SPINT3: variants seen among roughly 807,000 people sequenced by gnomAD.
SPINT3 encodes the protein kunitz-type protease inhibitor 3.
A neutral mutation model predicts 3.3 loss-of-function variants in SPINT3; 4 were observed. That is an observed-to-expected ratio of 1.22 (90% confidence interval 0.60 to 2.79). The LOEUF (loss-of-function observed/expected upper bound fraction) is 2.79, where lower values mean the gene tolerates loss of function less well. Ranked by LOEUF, SPINT3 falls within the 30% of genes most tolerant of loss-of-function variation. The pLI is 0.01. For missense variants in SPINT3, 97 were observed against 104.3 expected, an observed-to-expected ratio of 0.93 and a Z score of 0.31; for synonymous variants, 30 against 38.6, an observed-to-expected ratio of 0.78 and a Z score of 0.83.
At chr20:45,512,953 A>G (rs1978778975) in intron 1 of SPINT3, 109 bp from the exon 2 acceptor site, 1 of 790,876 alleles carries the variant, frequency 1.3e-6, no homozygotes, top group Non-Finnish European at 2.0e-6. Context: ...GCCATCCACA[A>G]TGGCTGTGCT....
chr20:45,513,360 T>C (rs1186143841), intron 1 of SPINT3, among the ~76,000 whole-genome samples: 1 of 152,236 alleles, frequency 6.6e-6, no homozygotes, highest in African/African-American at 2.4e-5. Context: ...GTCTCAATTA[T>C]CTTCTAGCTA....
rs948656977 is a variant in SPINT3, at chr20:45,512,548, A to G, written c.*103T>C. ...GGAGAATAAATGTGGGGGTAGAGGA[A>G]TGAACCTCTTGTTCACACACACACA... On this transcript the variant is annotated 3_prime_UTR_variant, in exon 2 of 2. Coordinates refer to ENST00000217428, the MANE Select transcript of SPINT3 (RefSeq NM_006652.2). 2 of 1,113,560 alleles carry G rather than the reference A, an allele frequency of 1.8e-6. No individual in the cohort carries two copies. The highest frequency in any genetic ancestry group is 2.7e-5 in the Admixed American group (1 of 37,336). The allele number at this position is 1,113,560 out of a possible 1,614,324, so 69.0% of individuals were successfully genotyped here.
chr20:45,515,472 C>G, intron 1 of SPINT3, 61 bp downstream of exon 1: 1 of 1,370,506 alleles, frequency 7.3e-7, no homozygotes, highest in Middle Eastern at 1.8e-4. Context: ...ACCTCCCCCA[C>G]CACCCCGCCC....
chr20:45,513,141 T>A (rs1412126378), intron 1 of SPINT3, among the ~76,000 whole-genome samples: 1 of 152,234 alleles, frequency 6.6e-6, no homozygotes, highest in Middle Eastern at 3.2e-3. Flanking sequence ...AACTTCTTCA[T>A]GTCTCCATTT....
chr20:45,513,909 T>C (rs879691696), intron 1 of SPINT3, among the ~76,000 whole-genome samples: 12 of 152,192 alleles, frequency 7.9e-5, no homozygotes, highest in Admixed American at 3.9e-4. Flanking sequence ...TCCATCTTGG[T>C]TGTTGTAAAA....
Position 45,512,520 on chromosome 20 carries a change from C to T in SPINT3, c.*131G>A. The T allele has an allele frequency of 1.2e-6, 1 of 853,336 alleles. No homozygotes were observed. Among genetic ancestry groups the T allele is most frequent in the South Asian group, 1.8e-5 (1 of 55,324 alleles). The allele number at this position is 853,336 out of a possible 1,614,324, so 52.9% of individuals were successfully genotyped here. A position where few individuals can be genotyped will look rare whatever the true frequency, so the allele number is the denominator to read the frequency against. On this transcript the variant is annotated 3_prime_UTR_variant, in exon 2 of 2. Transcript: ENST00000217428. ...AGATGAAGCACTTGTAGGAGCACAT[C>T]AGGGAGAATAAATGTGGGGGTAGAG... is the stretch of plus-strand genomic sequence containing the variant.
chr20:45,515,477 C>G (rs1978847105), intron 1 of SPINT3, 56 bp downstream of exon 1: 1 of 1,417,334 alleles, frequency 7.1e-7, no homozygotes, highest in Middle Eastern at 1.8e-4. Context: ...CCCCACCACC[C>G]CGCCCCCCAG....
chr20:45,514,444 A>T (rs1318242026), intron 1 of SPINT3, among the ~76,000 whole-genome samples: 1 of 152,188 alleles, frequency 6.6e-6, no homozygotes, highest in East Asian at 1.9e-4. Flanking sequence ...ATGCTCAGAG[A>T]GGCTATAAAT....
In SPINT3 at chr20:45,512,561, TCACA is replaced by T. The variant is rs11468934; in HGVS notation, c.*86_*89del. 4.1e-3 allele frequency: 4,472 copies of T among 1,101,892 alleles called. 5 individuals carry two copies. The highest frequency in any genetic ancestry group is 0.011 in the African/African-American group (670 of 62,528). The allele number at this position is 1,101,892 out of a possible 1,614,324, so 68.3% of individuals were successfully genotyped here. On this transcript the variant is annotated 3_prime_UTR_variant, in exon 2 of 2. Coordinates refer to ENST00000217428, the MANE Select transcript of SPINT3 (RefSeq NM_006652.2). Reference sequence around the variant, plus strand: ...GGGGGTAGAGGAATGAACCTCTTGTTCACACACACACACACACACACACGCAAAT... The same window carrying T: ...GGGGGTAGAGGAATGAACCTCTTGTTCACACACACACACACACACGCAAAT...
At chr20:45,514,108 C>T (rs1978811167) in intron 1 of SPINT3, among the ~76,000 whole-genome samples, 1 of 152,196 alleles carries the variant, frequency 6.6e-6, no homozygotes, top group Admixed American at 6.5e-5. Flanking sequence ...GTTCTTAAGA[C>T]ATCCTAGTCA....
intron 1 of SPINT3, among the ~76,000 whole-genome samples, chr20:45,513,902 A>G (rs1568980162): frequency 6.6e-6 from 1 of 152,212 alleles, no homozygotes; most frequent in African/African-American, 2.4e-5. Flanking sequence ...TTCTCCATCC[A>G]TCTTGGTTGT....
Position 45,515,523 on chromosome 20 carries a change from T to C in SPINT3, c.76+10A>G. Reference sequence around the variant, plus strand: ...AGTCTATTCTTTGAGATCCCACATTTCATACCAACCTCGTGCTAGTTCTGA... The same window carrying C: ...AGTCTATTCTTTGAGATCCCACATTCCATACCAACCTCGTGCTAGTTCTGA... On this transcript the variant is annotated intron_variant, in intron 1 of 1. Coordinates refer to ENST00000217428, the MANE Select transcript of SPINT3 (RefSeq NM_006652.2). 1 of 1,550,782 alleles carries C rather than the reference T, an allele frequency of 6.4e-7. No individual in the cohort carries two copies. Among genetic ancestry groups the C allele is most frequent in the African/African-American group, 1.4e-5 (1 of 73,052 alleles).
chr20:45,514,402 T>G (rs1978817837), intron 1 of SPINT3, among the ~76,000 whole-genome samples: 1 of 152,164 alleles, frequency 6.6e-6, no homozygotes. Flanking sequence ...GCAGAAAAGA[T>G]GGTTAATCTT....
rs201876626 is a variant in SPINT3, at chr20:45,512,803, T to C, written c.118A>G (p.Met40Val). Reference protein sequence around the residue: ...DLLPNVCAFPMEKGPCQTYMT... With the variant: ...DLLPNVCAFPVEKGPCQTYMT... ...TAGGTTTGACAAGGGCCCTTTTCCA[T>C]AGGAAAAGCGCATACATTTGGGAGG... The change falls in exon 2 of 2, where the codon ATG (methionine) becomes GTG (valine). Residue 40 changes from methionine to valine, a missense_variant. Transcript: ENST00000217428. 428 of 1,551,524 alleles carry C rather than the reference T, an allele frequency of 2.8e-4. No individual in the cohort carries two copies. The highest frequency in any genetic ancestry group is 3.5e-4 in the Non-Finnish European group (406 of 1,146,972).
intron 1 of SPINT3, among the ~76,000 whole-genome samples, chr20:45,514,280 C>CTG (rs1429460986): frequency 6.6e-6 from 1 of 152,130 alleles, no homozygotes; most frequent in Non-Finnish European, 1.5e-5. Flanking sequence ...TAATGACACC[C>CTG]TGTGTGTGTG....
chr20:45,512,992 T>G, intron 1 of SPINT3, 148 bp from the exon 2 acceptor site: 1 of 631,166 alleles, frequency 1.6e-6, no homozygotes, highest in South Asian at 2.0e-5. Context: ...AGCTATGGTC[T>G]GATCTGTCTA....
Position 45,515,440 on chromosome 20 carries a change from T to A in SPINT3, c.76+93A>T. ...ACTCTCAATCCGGTAAGGTAAGAAA[T>A]GGGCTCTGTTTGTGCTGCATCACCT... On this transcript the variant is annotated intron_variant, in intron 1 of 1. Transcript: ENST00000217428. 5 of 1,037,520 alleles carry A rather than the reference T, an allele frequency of 4.8e-6. No individual in the cohort carries two copies. The South Asian group carries it at 7.0e-5, about 15-fold the overall frequency. The allele number at this position is 1,037,520 out of a possible 1,614,324, so 64.3% of individuals were successfully genotyped here.
At chr20:45,512,949 C>T (rs1202356015) in intron 1 of SPINT3, 105 bp from the exon 2 acceptor site, 28 of 831,042 alleles carry the variant, frequency 3.4e-5, no homozygotes, top group Non-Finnish European at 4.9e-5. Flanking sequence ...TGAGGCCATC[C>T]ACAATGGCTG....
In SPINT3 at chr20:45,512,613, A is replaced by G; in HGVS notation, c.*38T>C. The G allele has an allele frequency of 4.5e-6, 7 of 1,542,748 alleles. No homozygotes were observed. The highest frequency in any genetic ancestry group is 6.1e-6 in the Non-Finnish European group (7 of 1,141,048). On this transcript the variant is annotated 3_prime_UTR_variant, in exon 2 of 2. Transcript: ENST00000217428. ...AATGCCTTCTATGGCCCTCAGAGCAATCCCGAATCCATGGAGGGCTGTGTT... is the reference window on the plus strand; with the variant it reads ...AATGCCTTCTATGGCCCTCAGAGCAGTCCCGAATCCATGGAGGGCTGTGTT...
Sources: gnomAD v4.1 joint callset for allele counts (sites outside exome capture counted in the v4.1 genomes callset) on GRCh38, gnomAD v4.1.1 for gene constraint, MANE v1.5 for transcripts, NCBI Gene and HGNC (gene_info 2026-07-23, HGNC 2026-07-21) for gene names.